The following ITIH6 variants were observed in gnomAD, a reference collection of about 807,000 sequenced individuals.
ITIH6 encodes inter-alpha-trypsin inhibitor heavy chain H6.
Under a neutral mutation model 58.2 loss-of-function variants are expected in ITIH6, and 60 were observed. The ratio of observed to expected loss-of-function variants is 1.03; its 90% confidence interval spans 0.84 to 1.28. ITIH6 has a LOEUF of 1.28. Among genes scored for constraint, ITIH6 ranks in the 50% most tolerant of loss-of-function variants. The pLI, the probability that ITIH6 is intolerant of heterozygous loss-of-function variation, is 0.00. For synonymous variants in ITIH6, 493 were observed against 417.4 expected, an observed-to-expected ratio of 1.18 and a Z score of -2.21; for missense variants, 1,290 against 1,021.1, an observed-to-expected ratio of 1.26 and a Z score of -3.59.
At chrX:54,772,664 A>T (rs752999327) in intron 6 of ITIH6, among the ~76,000 whole-genome samples, 4 of 112,557 alleles carry the variant, frequency 3.6e-5, no homozygotes, top group Non-Finnish European at 7.5e-5. Context: ...GACGTGATGT[A>T]TCAGGTAAAA....
intron 5 of ITIH6, among the ~76,000 whole-genome samples, chrX:54,786,812 G>A (rs943015808): frequency 4.5e-5 from 5 of 111,596 alleles, no homozygotes; most frequent in African/African-American, 1.6e-4. Flanking sequence ...GAGACGATAA[G>A]TAGGCTGTGT....
rs760955163 is a variant in ITIH6 at position 54,749,987 on chromosome X, T to C, written c.3850A>G (p.Arg1284Gly). 1 of 1,211,790 alleles carries C rather than the reference T, an allele frequency of 8.3e-7. No homozygotes were observed. Among genetic ancestry groups the C allele is most frequent in the South Asian group, 1.8e-5 (1 of 56,952 alleles). ...CAGGAAGCCCAGCGGGGCAGCAGCC[T>C]TGGTGAGTCCTTCAGCAGCCTCTTG... is the stretch of plus-strand genomic sequence containing the variant. ...LGKRLLKDSP[R>G]LLPRWASCWL... Residue 1284 changes from arginine to glycine, a missense_variant, in exon 13 of 13, where the codon AGG becomes GGG. Transcript: ENST00000218436.
chrX:54,767,233 A>T, intron 6 of ITIH6, among the ~76,000 whole-genome samples: 1 of 103,460 alleles, frequency 9.7e-6, no homozygotes, highest in East Asian at 3.1e-4. Context: ...ATCGGTGGTG[A>T]TATCCCCTTT....
chrX:54,780,380 T>C (rs1929127161), intron 5 of ITIH6, among the ~76,000 whole-genome samples: 1 of 111,920 alleles, frequency 8.9e-6, no homozygotes, highest in African/African-American at 3.2e-5. Context: ...TTGGAAGATA[T>C]AGAAATACAT....
At chrX:54,760,590 G>A (rs754575758) in intron 6 of ITIH6, among the ~76,000 whole-genome samples, 2 of 110,571 alleles carry the variant, frequency 1.8e-5, no homozygotes, top group Admixed American at 9.6e-5. Flanking sequence ...CCTTCCCCCC[G>A]CCCCATGCTA....
chrX:54,753,409 A>C (rs1319016129), intron 11 of ITIH6, among the ~76,000 whole-genome samples: 1 of 111,528 alleles, frequency 9.0e-6, no homozygotes, highest in African/African-American at 3.3e-5. Context: ...AAACTTTTTG[A>C]AGTTCCATCA....
rs1381096694 is a variant in ITIH6, at chrX:54,791,097, G to A, written c.369-13C>T. Reference sequence around the variant, plus strand: ...TGATTCCCGGTCCCTGGGCAGGAAAGGGAGGATGGTGGGAAGAGAAAGGGA... The same window carrying A: ...TGATTCCCGGTCCCTGGGCAGGAAAAGGAGGATGGTGGGAAGAGAAAGGGA... On this transcript the variant is annotated splice_polypyrimidine_tract_variant and intron_variant, in intron 3 of 12. Transcript: ENST00000218436. The A allele has an allele frequency of 2.5e-6, 3 of 1,207,421 alleles. No homozygotes were observed. Among genetic ancestry groups the A allele is most frequent in the South Asian group, 1.8e-5 (1 of 56,354 alleles).
At position 54,758,984 on chromosome X, in the gene ITIH6, A is replaced by G. The variant is rs1003696976; in HGVS notation, c.1090T>C (p.Ser364Pro). The change falls in exon 8 of 13, where the codon TCA becomes CCA. Residue 364 changes from serine (S) to proline (P), a missense_variant. Transcript: ENST00000218436. ...MEADGWTDVN[S>P]ALLAAASVLN... ...ACTGAAGCAGCTGCCAGCAGAGCTG[A>G]GTTGACGTCTGTCCCTAATTGGGGA... 1.7e-6 allele frequency: 2 copies of G among 1,163,077 alleles called. No individual in the cohort carries two copies. The highest frequency in any genetic ancestry group is 2.5e-5 in the Admixed American group (1 of 40,478).
intron 5 of ITIH6, among the ~76,000 whole-genome samples, chrX:54,782,539 C>A (rs1207766793): frequency 8.9e-6 from 1 of 111,741 alleles, no homozygotes; most frequent in Non-Finnish European, 1.9e-5. Context: ...TATAACAAAC[C>A]TTTATGTGTA....
chrX:54,757,839 T>C lies in ITIH6; in HGVS notation c.2235A>G (p.Ser745=). The change falls in exon 8 of 13, where the codon TCA becomes TCG. Residue 745 remains serine (S), a synonymous_variant. Transcript: ENST00000218436. ...TGGGTAATATATCAGGATTCTGGTG[T>C]GATAGAGAGCCGGGCTTCAGAGGCA... The part of the protein sequence containing the change: ...TLLPLKPGSL[S]HQNPDILPTN... The C allele has an allele frequency of 8.3e-7, 1 of 1,211,431 alleles. No individual in the cohort carries two copies. Among genetic ancestry groups the C allele is most frequent in the Non-Finnish European group, 1.1e-6 (1 of 895,323 alleles).
intron 5 of ITIH6, among the ~76,000 whole-genome samples, chrX:54,780,263 A>G (rs1381389006): frequency 8.9e-6 from 1 of 112,252 alleles, no homozygotes; most frequent in African/African-American, 3.2e-5. Flanking sequence ...GACAGACGAT[A>G]TATCAGGTCA....
intron 6 of ITIH6, among the ~76,000 whole-genome samples, chrX:54,761,680 T>C (rs1157370495): frequency 9.0e-6 from 1 of 111,210 alleles, no homozygotes; most frequent in Non-Finnish European, 1.9e-5. Context: ...CCCAGCACCA[T>C]TTATTAAATA....
intron 5 of ITIH6, among the ~76,000 whole-genome samples, chrX:54,784,376 G>A (rs1216201736): frequency 1.2e-4 from 13 of 111,431 alleles, no homozygotes; most frequent in African/African-American, 4.2e-4. Context: ...TACACTGCAA[G>A]GGAAATGATA....
At chrX:54,760,666 C>T (rs1928618491) in intron 6 of ITIH6, among the ~76,000 whole-genome samples, 1 of 111,177 alleles carries the variant, frequency 9.0e-6, no homozygotes. Flanking sequence ...CAATTCCCAC[C>T]TATGAGTGAG....
At chrX:54,783,175 G>C in intron 5 of ITIH6, among the ~76,000 whole-genome samples, 1 of 112,168 alleles carries the variant, frequency 8.9e-6, no homozygotes, top group Non-Finnish European at 1.9e-5. Flanking sequence ...ACTGGGGATA[G>C]AAGGAACATA....
At chrX:54,775,105 A>T in intron 5 of ITIH6, among the ~76,000 whole-genome samples, 1 of 111,573 alleles carries the variant, frequency 9.0e-6, no homozygotes, top group South Asian at 3.8e-4. Context: ...CTTTGAATTA[A>T]TTCACATGTG....
chrX:54,778,087 C>A (rs1361216837), intron 5 of ITIH6, among the ~76,000 whole-genome samples: 2 of 110,832 alleles, frequency 1.8e-5, no homozygotes, highest in African/African-American at 6.6e-5. Flanking sequence ...ATTCAGAATT[C>A]TATCAGATGA....
In ITIH6 at chrX:54,776,452, T is replaced by C. The variant is rs1265955819; in HGVS notation, c.787-2255A>G. Among the ~76,000 whole-genome samples the C allele has an allele frequency of 2.7e-5, 3 of 109,987 alleles. No homozygotes were observed. The East Asian group carries it at 8.6e-4, about 32-fold the overall frequency. ...TTAGGGGGCACACAACCTACCGAGA[T>C]AGCAGCTAGGGCAGCTAAGTGAGTG... On this transcript the variant is annotated intron_variant, in intron 5 of 12. Coordinates refer to ENST00000218436, the MANE Select transcript of ITIH6 (RefSeq NM_198510.3).
At chrX:54,769,451 C>T (rs1358609053) in intron 6 of ITIH6, among the ~76,000 whole-genome samples, 1 of 106,141 alleles carries the variant, frequency 9.4e-6, no homozygotes, top group Non-Finnish European at 1.9e-5. Context: ...GGAGGAGAGG[C>T]ACTCTGCGTT....
Sources: gnomAD v4.1 joint callset for allele counts (sites outside exome capture counted in the v4.1 genomes callset) on GRCh38, gnomAD v4.1.1 for gene constraint, MANE v1.5 for transcripts, NCBI Gene and HGNC (gene_info 2026-07-23, HGNC 2026-07-21) for gene names.